Variants in KDM1B observed in about 807,000 individuals in gnomAD.
KDM1B encodes the protein lysine-specific histone demethylase 2.
Under a neutral mutation model 107.4 loss-of-function variants are expected in KDM1B, and 63 were observed. The observed-to-expected ratio is 0.59, with a 90% CI of 0.48 to 0.72. The LOEUF (loss-of-function observed/expected upper bound fraction) is 0.72, where lower values mean the gene tolerates loss of function less well. Among genes scored for constraint, KDM1B ranks in the 30% least tolerant of loss-of-function variants. The probability of loss-of-function intolerance (pLI) is 0.00; values close to 1 mark genes in which losing one functional copy is unlikely to be tolerated. For synonymous variants in KDM1B, 363 were observed against 363.9 expected, an observed-to-expected ratio of 1.00 and a Z score of 0.03; for missense variants, 749 against 1,020.8, an observed-to-expected ratio of 0.73 and a Z score of 3.63.
intron 9 of KDM1B, among the ~76,000 whole-genome samples, chr6:18,188,362 G>C (rs1787026230): frequency 6.6e-6 from 1 of 152,178 alleles, no homozygotes; most frequent in Admixed American, 6.5e-5. Context: ...TTCCTCAGTA[G>C]TTTGGAAAAC....
chr6:18,192,676 A>C (rs1242406075), intron 10 of KDM1B, among the ~76,000 whole-genome samples: 1 of 151,686 alleles, frequency 6.6e-6, no homozygotes, highest in African/African-American at 2.4e-5. Flanking sequence ...ACACTGAGGC[A>C]GGAGGATCGC....
chr6:18,202,627 A>G (rs2150982452), intron 14 of KDM1B, among the ~76,000 whole-genome samples: 1 of 152,286 alleles, frequency 6.6e-6, no homozygotes, highest in South Asian at 2.1e-4. Flanking sequence ...AGTTTCTTGT[A>G]GTGTGAACAT....
In KDM1B at chr6:18,187,962, T is replaced by A; in HGVS notation, c.744T>A (p.Pro248=). The A allele has an allele frequency of 1.3e-6, 2 of 1,550,510 alleles. No individual in the cohort carries two copies. The highest frequency in any genetic ancestry group is 1.7e-6 in the Non-Finnish European group (2 of 1,146,992). ...CCGCTGCCACTGGCAATGCCAGCCCTGGGAAGCTGGAGCACTCCAAGGCTG... is the reference window on the plus strand; with the variant it reads ...CCGCTGCCACTGGCAATGCCAGCCCAGGGAAGCTGGAGCACTCCAAGGCTG... The part of the protein sequence containing the change: ...NRAAATGNAS[P]GKLEHSKAAL... The change falls in exon 9 of 22, where the codon CCT becomes CCA. Residue 248 remains proline, a synonymous_variant. Coordinates refer to ENST00000650836, the MANE Select transcript of KDM1B (RefSeq NM_001364614.2).
intron 21 of KDM1B, among the ~76,000 whole-genome samples, chr6:18,219,231 T>C (rs879917741): frequency 5.9e-5 from 9 of 152,138 alleles, no homozygotes; most frequent in Admixed American, 1.3e-4. Context: ...CTCTCCAGCA[T>C]TGGGCCTTTA....
chr6:18,219,473 C>CA (rs200243010), intron 21 of KDM1B, among the ~76,000 whole-genome samples: 1 of 151,948 alleles, frequency 6.6e-6, no homozygotes, highest in East Asian at 1.9e-4. Context: ...TAAAATCGTC[C>CA]AACTCTAATT....
chr6:18,196,008 C>T (rs534567983), intron 10 of KDM1B, among the ~76,000 whole-genome samples: 29 of 152,218 alleles, frequency 1.9e-4, no homozygotes, highest in African/African-American at 5.5e-4. Flanking sequence ...CCCTCAGCCC[C>T]GGTAATGCCC....
chr6:18,178,612 C>T (rs192409115), intron 7 of KDM1B, among the ~76,000 whole-genome samples: 6 of 151,668 alleles, frequency 4.0e-5, no homozygotes, highest in African/African-American at 1.2e-4. Context: ...AGGCTGGTCT[C>T]GAACTCCTGA....
Position 18,197,922 on chromosome 6 carries a change from A to ATTTT in KDM1B, c.1221+263_1221+264insTTTT, listed in dbSNP as rs1463003350. Among the ~76,000 whole-genome samples the ATTTT allele has an allele frequency of 6.9e-6, 1 of 144,688 alleles. No individual in the cohort carries two copies. The highest frequency in any genetic ancestry group is 2.7e-5 in the African/African-American group (1 of 36,792). The allele number at this position is 144,688 out of a possible 152,430, so 94.9% of individuals were successfully genotyped here. ...ATTCTAACTTGGCATTAAAGTAGAA[A>ATTTT]TTCTTTTTTTTTTTTTTTTTTGAGA... On this transcript the variant is annotated intron_variant, in intron 12 of 21. Transcript: ENST00000650836. The surrounding 1 kb of genome is among the most constrained non-coding windows in gnomAD (Gnocchi z 4.5).
chr6:18,176,437 GC>G (rs1374390035), intron 7 of KDM1B, among the ~76,000 whole-genome samples: 1 of 152,082 alleles, frequency 6.6e-6, no homozygotes, highest in African/African-American at 2.4e-5. Flanking sequence ...CGATTTGGAT[GC>G]CCTTTATCTC....
chr6:18,189,698 A>G (rs1394976930), intron 9 of KDM1B, among the ~76,000 whole-genome samples: 1 of 152,218 alleles, frequency 6.6e-6, no homozygotes, highest in African/African-American at 2.4e-5. Context: ...TCATGAAGGC[A>G]AATATCTATT....
intron 16 of KDM1B, 118 bp downstream of exon 16, chr6:18,207,647 A>G (rs1225688567): frequency 2.4e-6 from 3 of 1,225,742 alleles, no homozygotes; most frequent in African/African-American, 3.0e-5. Flanking sequence ...AGGGTCTAGA[A>G]GTACTTTTGT....
Position 18,223,249 on chromosome 6 carries a change from T to TAAA in KDM1B, c.*1259_*1261dup, listed in dbSNP as rs1362497019. On this transcript the variant is annotated 3_prime_UTR_variant, in exon 22 of 22. Transcript: ENST00000650836. ...CAAAATATTGAGTATTTTAAAAATTTAAAAGTAGGTCAGTTTATAACGAGT... is the reference window on the plus strand; with the variant it reads ...CAAAATATTGAGTATTTTAAAAATTTAAAAAAAGTAGGTCAGTTTATAACGAGT... 1.3e-5 allele frequency: 2 copies of TAAA among 152,518 alleles called. No individual in the cohort carries two copies. Among genetic ancestry groups the TAAA allele is most frequent in the African/African-American group, 4.8e-5 (2 of 41,424 alleles). 9.4% of individuals were successfully genotyped at this position (152,518 alleles called of 1,614,324 possible).
chr6:18,181,310 C>T (rs1786457625), intron 7 of KDM1B, among the ~76,000 whole-genome samples: 1 of 152,108 alleles, frequency 6.6e-6, no homozygotes, highest in African/African-American at 2.4e-5. Context: ...GTACTACACA[C>T]ACTTTTTTTT....
chr6:18,197,050 A>G lies in KDM1B; in HGVS notation c.970-7A>G. On this transcript the variant is annotated splice_polypyrimidine_tract_variant and splice_region_variant and intron_variant, in intron 10 of 21. Coordinates refer to ENST00000650836, the MANE Select transcript of KDM1B (RefSeq NM_001364614.2). This position sits in a 1 kb window ranked among gnomAD's most constrained non-coding sequence, Gnocchi z 4.5. Reference sequence around the variant, plus strand: ...AAAAAGCAGTTTGGTTTTATTTCCAAACACAGGAAGCTCTTACTCCTCAGA... The same window carrying G: ...AAAAAGCAGTTTGGTTTTATTTCCAGACACAGGAAGCTCTTACTCCTCAGA... 6.3e-7 allele frequency: 1 copy of G among 1,587,156 alleles called. No individual in the cohort carries two copies. Among genetic ancestry groups the G allele is most frequent in the Non-Finnish European group, 8.6e-7 (1 of 1,162,914 alleles).
rs1456859160 is a variant in KDM1B at position 18,155,616 on chromosome 6, G to C, written c.-58+45G>C. On this transcript the variant is annotated intron_variant, in intron 1 of 21. Transcript: ENST00000650836. This position sits in a 1 kb window ranked among gnomAD's most constrained non-coding sequence, Gnocchi z 6.2. ...GGGGGCGTGCGTGGGGGCCGTGGCG[G>C]ATTTCGGGTGACAGCGTTGCACAAA... The C allele has an allele frequency of 6.6e-6, 1 of 152,598 alleles. No individual in the cohort carries two copies. Among genetic ancestry groups the C allele is most frequent in the East Asian group, 1.9e-4 (1 of 5,190 alleles). 9.5% of individuals were successfully genotyped at this position (152,598 alleles called of 1,614,324 possible). A position where few individuals can be genotyped will look rare whatever the true frequency, so the allele number is the denominator to read the frequency against.
intron 7 of KDM1B, among the ~76,000 whole-genome samples, chr6:18,185,242 T>C (rs1053558342): frequency 6.6e-6 from 1 of 152,118 alleles, no homozygotes; most frequent in Non-Finnish European, 1.5e-5. Context: ...GGTTGTTATA[T>C]GCCTTTATTT....
rs961353208 is a variant in KDM1B, at chr6:18,164,405, G to C, written c.305+1481G>C. The stretch of plus-strand genomic sequence containing the variant: ...AGCCTCCCAAAGTGCTGGGATTATA[G>C]CACTTTGGTGGTAGCTCGAGCCACC... On this transcript the variant is annotated intron_variant, in intron 5 of 21. Transcript: ENST00000650836. 3.3e-5 allele frequency among the ~76,000 whole-genome samples: 5 copies of C among 152,092 alleles called. 1 individual carries two copies. The highest frequency in any genetic ancestry group is 1.2e-4 in the African/African-American group (5 of 41,492).
intron 10 of KDM1B, among the ~76,000 whole-genome samples, chr6:18,195,733 CA>C (rs774459443): frequency 0.019 from 2,033 of 107,780 alleles, 61 homozygotes; most frequent in African/African-American, 0.065. Flanking sequence ...AACTCCATAT[CA>C]AAAAAAAAAA....
intron 2 of KDM1B, among the ~76,000 whole-genome samples, chr6:18,158,869 A>T (rs1784794568): frequency 6.6e-6 from 1 of 152,222 alleles, no homozygotes; most frequent in South Asian, 2.1e-4. Context: ...AGTAGAAGAT[A>T]CCAGTGCTTC....
Sources: gnomAD v4.1 joint callset for allele counts (sites outside exome capture counted in the v4.1 genomes callset) on GRCh38, gnomAD v4.1.1 for gene constraint, Gnocchi (gnomAD v3.1) non-coding constraint, MANE v1.5 for transcripts, NCBI Gene and HGNC (gene_info 2026-07-23, HGNC 2026-07-21) for gene names.